Variants in TENM2 observed in about 807,000 individuals in gnomAD.
TENM2 encodes teneurin-2.
TENM2 carries 52 observed loss-of-function variants against 245.2 expected under a neutral mutation model. That is an observed-to-expected ratio of 0.21 (90% CI 0.17 to 0.27). TENM2 has a LOEUF of 0.27. Among genes scored for constraint, TENM2 ranks in the 10% least tolerant of loss-of-function variants. The pLI is 1.00. For missense variants in TENM2, 3,046 were observed against 3,666.8 expected (o/e 0.83, Z 4.37); for synonymous variants, 1,363 against 1,438.9 (o/e 0.95, Z 1.19).
At chr5:167,015,982 C>T in the TENM2 span, among the ~76,000 whole-genome samples, 5 of 152,074 alleles carry the variant, frequency 3.3e-5, no homozygotes, top group South Asian at 4.2e-4. Flanking sequence ...TGACCAGGCA[C>T]GGTGGCTCAC....
chr5:168,038,915 A>G (rs1463101912), intron 5 of TENM2, among the ~76,000 whole-genome samples: 1 of 152,116 alleles, frequency 6.6e-6, no homozygotes, highest in African/African-American at 2.4e-5. Context: ...TGGGCTCCAG[A>G]GTTCAGATCA....
chr5:167,148,871 T>A, the TENM2 span, among the ~76,000 whole-genome samples: 1 of 152,172 alleles, frequency 6.6e-6, no homozygotes, highest in Non-Finnish European at 1.5e-5. Flanking sequence ...AATAAATGAA[T>A]TTATCCTCTT....
intron 3 of TENM2, among the ~76,000 whole-genome samples, chr5:167,929,948 C>T (rs954564789): frequency 3.3e-5 from 5 of 152,222 alleles, no homozygotes; most frequent in African/African-American, 4.8e-5. Context: ...TGCCTCTCTG[C>T]CTTCTGTCCT....
chr5:167,894,587 C>G (rs1194173015), intron 3 of TENM2, among the ~76,000 whole-genome samples: 2 of 152,098 alleles, frequency 1.3e-5, no homozygotes, highest in Non-Finnish European at 2.9e-5. Context: ...TGGTCATTCA[C>G]TATACTCAAA....
chr5:167,852,688 T>A lies in TENM2; in HGVS notation c.503-23298T>A, dbSNP rs2151218576. ...CTCTATGTACTGTATAAGCTGAGTATGAGTCTTCTAGGAACCAAATCTGCA... is the reference window on the plus strand; with the variant it reads ...CTCTATGTACTGTATAAGCTGAGTAAGAGTCTTCTAGGAACCAAATCTGCA... On this transcript the variant is annotated intron_variant, in intron 2 of 28. Transcript: ENST00000518659. Among the ~76,000 whole-genome samples the A allele has an allele frequency of 1.3e-5, 2 of 152,326 alleles. 1 individual carries two copies. The highest frequency in any genetic ancestry group is 4.1e-4 in the South Asian group (2 of 4,830).
chr5:167,426,169 C>G (rs1182985699), intron 2 of TENM2, among the ~76,000 whole-genome samples: 1 of 152,104 alleles, frequency 6.6e-6, no homozygotes, highest in Non-Finnish European at 1.5e-5. Flanking sequence ...CTTTGAAATT[C>G]TAATTAAAAA....
chr5:168,036,645 T>A (rs77602169), intron 5 of TENM2, among the ~76,000 whole-genome samples: 31,168 of 73,970 alleles, frequency 0.42, 5,063 homozygotes, highest in South Asian at 0.52. Flanking sequence ...AAAAAAAAAA[T>A]ATATATATAT....
chr5:167,105,393 A>G, the TENM2 span, among the ~76,000 whole-genome samples: 1 of 152,198 alleles, frequency 6.6e-6, no homozygotes, highest in Admixed American at 6.5e-5. Flanking sequence ...TGCTCTGTGA[A>G]TTGGTCCTTT....
the TENM2 span, among the ~76,000 whole-genome samples, chr5:167,182,930 ATGT>A: frequency 6.6e-6 from 1 of 152,168 alleles, no homozygotes; most frequent in Non-Finnish European, 1.5e-5. Context: ...AAAAATATCA[ATGT>A]TGTGTTTAAA....
At chr5:167,377,033 A>G (rs2127318361) in intron 2 of TENM2, among the ~76,000 whole-genome samples, 2 of 152,128 alleles carry the variant, frequency 1.3e-5, no homozygotes, top group East Asian at 3.9e-4. Flanking sequence ...ATTTATACAT[A>G]TTTATAGACC....
chr5:167,807,383 C>T (rs1195767689), intron 2 of TENM2, among the ~76,000 whole-genome samples: 11 of 151,906 alleles, frequency 7.2e-5, no homozygotes, highest in Non-Finnish European at 1.6e-4. Context: ...AAGGATGGGG[C>T]CATTCACCTT....
chr5:167,762,259 C>A (rs1401468916), intron 2 of TENM2, among the ~76,000 whole-genome samples: 1 of 152,172 alleles, frequency 6.6e-6, no homozygotes, highest in Non-Finnish European at 1.5e-5. Context: ...GACAAAAGAT[C>A]CCCTCCTGCA....
chr5:167,865,486 C>A (rs1433211662), intron 2 of TENM2, among the ~76,000 whole-genome samples: 1 of 152,024 alleles, frequency 6.6e-6, no homozygotes, highest in South Asian at 2.1e-4. Flanking sequence ...GTTGCCCAGG[C>A]CAGTTTCAAA....
intron 2 of TENM2, among the ~76,000 whole-genome samples, chr5:167,384,669 T>G (rs747457629): frequency 4.6e-5 from 7 of 151,260 alleles, no homozygotes; most frequent in Non-Finnish European, 8.8e-5. Flanking sequence ...AGCATCTGAT[T>G]AAAACACACA....
At chr5:167,571,615 G>A (rs372299826) in intron 2 of TENM2, among the ~76,000 whole-genome samples, 2 of 152,172 alleles carry the variant, frequency 1.3e-5, no homozygotes, top group East Asian at 1.9e-4. Context: ...ATAAACAACA[G>A]CACTGATAGC....
intron 2 of TENM2, among the ~76,000 whole-genome samples, chr5:167,454,677 A>G (rs1238600373): frequency 6.6e-6 from 1 of 151,880 alleles, no homozygotes; most frequent in African/African-American, 2.4e-5. Flanking sequence ...CGTTGGTTCT[A>G]TTTTCCTCTA....
At chr5:168,096,427 ATTG>A (rs1793378319) in intron 8 of TENM2, among the ~76,000 whole-genome samples, 2 of 152,252 alleles carry the variant, frequency 1.3e-5, no homozygotes, top group Non-Finnish European at 2.9e-5. Context: ...TGAAATGTTA[ATTG>A]TTGTTACACA....
intron 2 of TENM2, among the ~76,000 whole-genome samples, chr5:167,570,282 A>G (rs1385800267): frequency 2.6e-5 from 4 of 152,248 alleles, no homozygotes; most frequent in African/African-American, 9.6e-5. Flanking sequence ...ATGATGTGCA[A>G]GCCGATACAT....
intron 27 of TENM2, among the ~76,000 whole-genome samples, chr5:168,254,383 T>C (rs1255639550): frequency 6.6e-6 from 1 of 151,380 alleles, no homozygotes; most frequent in African/African-American, 2.4e-5. Flanking sequence ...CCAAAGGGAT[T>C]GAGGCTCAGA....
Sources: gnomAD v4.1 joint callset for allele counts (sites outside exome capture counted in the v4.1 genomes callset) on GRCh38, gnomAD v4.1.1 for gene constraint, MANE v1.5 for transcripts, NCBI Gene and HGNC (gene_info 2026-07-23, HGNC 2026-07-21) for gene names.